Variants in TMEM132B observed in about 807,000 individuals in gnomAD.
TMEM132B encodes transmembrane protein 132B.
Under a neutral mutation model 90.8 loss-of-function variants are expected in TMEM132B, and 18 were observed. The observed-to-expected ratio is 0.20, with a 90% CI of 0.14 to 0.29. The LOEUF is 0.29. TMEM132B is among the 10% of genes least tolerant of loss of function. The probability of loss-of-function intolerance (pLI) is 1.00; values close to 1 mark genes in which losing one functional copy is unlikely to be tolerated. For missense variants in TMEM132B, 1,096 were observed against 1,326.8 expected (o/e 0.83, Z 2.70); for synonymous variants, 504 against 523.3 (o/e 0.96, Z 0.50).
chr12:125,230,957 T>C (rs927010778), intron 1 of TMEM132B, among the ~76,000 whole-genome samples: 3 of 152,220 alleles, frequency 2.0e-5, no homozygotes, highest in African/African-American at 7.2e-5. Flanking sequence ...GTTATACTAA[T>C]TTCCTATGGC....
At chr12:125,405,778 T>C (rs1194969741) in intron 2 of TMEM132B, among the ~76,000 whole-genome samples, 4 of 152,232 alleles carry the variant, frequency 2.6e-5, no homozygotes, top group African/African-American at 9.6e-5. Context: ...GGATTAAATA[T>C]GTTGATACAG....
At position 125,660,094 on chromosome 12, in the gene TMEM132B, C is replaced by A. The variant is rs1230135992; in HGVS notation, c.*5384C>A. 2 of 152,256 alleles carry A rather than the reference C, an allele frequency of 1.3e-5. No individual in the cohort carries two copies. The highest frequency in any genetic ancestry group is 4.8e-5 in the African/African-American group (2 of 41,410). The allele number at this position is 152,256 out of a possible 1,614,324, so 9.4% of individuals were successfully genotyped here. On this transcript the variant is annotated 3_prime_UTR_variant, in exon 9 of 9. Transcript: ENST00000682704. ...TGAAACCCTGTCTCTACTAAAAATA[C>A]AAAAATTATCCAGTCGTGGTGGTGC... is the stretch of plus-strand genomic sequence containing the variant.
intron 1 of TMEM132B, among the ~76,000 whole-genome samples, chr12:125,212,635 A>G (rs1357626848): frequency 1.3e-5 from 2 of 152,092 alleles, no homozygotes; most frequent in Non-Finnish European, 2.9e-5. Context: ...TGGAGGTTGC[A>G]GTGAGCCGAG....
chr12:125,270,262 G>A (rs1874804905), intron 1 of TMEM132B, among the ~76,000 whole-genome samples: 1 of 151,978 alleles, frequency 6.6e-6, no homozygotes, highest in African/African-American at 2.4e-5. Flanking sequence ...TCAGCCTCCT[G>A]AGTAGCTGGA....
chr12:125,413,656 G>A (rs141813547), intron 2 of TMEM132B, among the ~76,000 whole-genome samples: 343 of 152,306 alleles, frequency 2.3e-3, no homozygotes, highest in Admixed American at 5.7e-3. Context: ...GGTTCATCAC[G>A]TAGCATGTGT....
At chr12:125,548,111 C>G (rs1014864926) in intron 4 of TMEM132B, among the ~76,000 whole-genome samples, 1 of 152,174 alleles carries the variant, frequency 6.6e-6, no homozygotes, top group Admixed American at 6.5e-5. Context: ...TCTGCCCCCA[C>G]CAAAGGCTCC....
At chr12:125,358,390 G>T (rs326400) in intron 2 of TMEM132B, among the ~76,000 whole-genome samples, 116,081 of 151,648 alleles carry the variant, frequency 0.77, 44,524 homozygotes, top group South Asian at 0.88. Flanking sequence ...ATTAATGTTG[G>T]TATATTGTTA....
chr12:125,494,422 T>C, intron 3 of TMEM132B, among the ~76,000 whole-genome samples: 1 of 111,174 alleles, frequency 9.0e-6, no homozygotes, highest in Non-Finnish European at 1.8e-5. Context: ...CTCCCCCTCC[T>C]CCCTGGAAAT....
intron 1 of TMEM132B, among the ~76,000 whole-genome samples, chr12:125,295,709 A>T (rs67211505): frequency 1.3e-5 from 2 of 151,960 alleles, no homozygotes; most frequent in East Asian, 3.9e-4. Context: ...ACCATGTTGT[A>T]CTTAAAGCCA....
At chr12:125,364,903 G>A (rs372591410) in intron 2 of TMEM132B, among the ~76,000 whole-genome samples, 1 of 151,906 alleles carries the variant, frequency 6.6e-6, no homozygotes, top group African/African-American at 2.4e-5. Context: ...TACTTAAAAT[G>A]TGCCTCTTGT....
intron 1 of TMEM132B, among the ~76,000 whole-genome samples, chr12:125,250,100 G>A (rs528966934): frequency 3.3e-5 from 5 of 152,246 alleles, no homozygotes; most frequent in Non-Finnish European, 5.9e-5. Flanking sequence ...CCCTGGGCAC[G>A]GGCAGGTCAG....
chr12:125,260,704 T>C (rs1200429039), intron 1 of TMEM132B, among the ~76,000 whole-genome samples: 1 of 152,140 alleles, frequency 6.6e-6, no homozygotes, highest in Non-Finnish European at 1.5e-5. Context: ...TGTCCTAAGG[T>C]ATAAGTATTA....
At chr12:125,247,630 C>T (rs1287002279) in intron 1 of TMEM132B, among the ~76,000 whole-genome samples, 4 of 152,164 alleles carry the variant, frequency 2.6e-5, no homozygotes, top group Non-Finnish European at 4.4e-5. Flanking sequence ...GCACAGCCTT[C>T]CTATTGGCCA....
chr12:125,219,578 T>C (rs1394287678), intron 1 of TMEM132B, among the ~76,000 whole-genome samples: 1 of 152,174 alleles, frequency 6.6e-6, no homozygotes, highest in Non-Finnish European at 1.5e-5. Context: ...GGGAAGGACC[T>C]GGTCTTTCTC....
At chr12:125,405,065 T>G (rs1032610628) in intron 2 of TMEM132B, among the ~76,000 whole-genome samples, 15 of 152,186 alleles carry the variant, frequency 9.9e-5, no homozygotes, top group African/African-American at 3.1e-4. Context: ...AGATGGCCAC[T>G]GTGTTAGCTT....
chr12:125,561,532 A>C (rs1231859535), intron 4 of TMEM132B, among the ~76,000 whole-genome samples: 1 of 152,194 alleles, frequency 6.6e-6, no homozygotes, highest in Non-Finnish European at 1.5e-5. Flanking sequence ...AAAAAATTAA[A>C]AAAAGAAATG....
chr12:125,573,661 T>C (rs979461315), intron 4 of TMEM132B, among the ~76,000 whole-genome samples: 1 of 152,194 alleles, frequency 6.6e-6, no homozygotes. Flanking sequence ...AATTTTGCTC[T>C]GGGTCACTTT....
At position 125,310,706 on chromosome 12, in the gene TMEM132B, C is replaced by T. The variant is rs1373617393; in HGVS notation, c.68-38746C>T. ...TTACCATGGCAACCGTAGCCAGCCA[C>T]GCAGAGAAACACTTTGACCTCCCCC... On this transcript the variant is annotated intron_variant, in intron 1 of 8. Coordinates refer to ENST00000682704, the MANE Select transcript of TMEM132B (RefSeq NM_001366854.1). 2.6e-5 allele frequency among the ~76,000 whole-genome samples: 4 copies of T among 152,190 alleles called. No individual in the cohort carries two copies. In the South Asian group the frequency reaches 6.2e-4, roughly 24 times the overall value.
At chr12:125,558,252 T>A (rs1443654728) in intron 4 of TMEM132B, among the ~76,000 whole-genome samples, 1 of 152,182 alleles carries the variant, frequency 6.6e-6, no homozygotes, top group African/African-American at 2.4e-5. Context: ...TGCCCTGCCA[T>A]CTGTAACTCA....
Sources: gnomAD v4.1 joint callset for allele counts (sites outside exome capture counted in the v4.1 genomes callset) on GRCh38, gnomAD v4.1.1 for gene constraint, MANE v1.5 for transcripts, NCBI Gene and HGNC (gene_info 2026-07-23, HGNC 2026-07-21) for gene names.